Variants in NAV3 observed in about 807,000 individuals in gnomAD.
NAV3 encodes the protein neuron navigator 3.
NAV3 carries 87 observed loss-of-function variants against 244.7 expected under a neutral mutation model. The observed-to-expected ratio is 0.36, with a 90% CI of 0.30 to 0.42. The LOEUF (loss-of-function observed/expected upper bound fraction) is 0.42. Ranked by LOEUF, NAV3 falls within the 20% of genes least tolerant of loss-of-function variation. The probability of loss-of-function intolerance (pLI) is 1.00; values close to 1 mark genes in which losing one functional copy is unlikely to be tolerated. For synonymous variants in NAV3, 1,126 were observed against 1,042.2 expected (o/e 1.08, Z -1.55); for missense variants, 2,663 against 2,893.3 (o/e 0.92, Z 1.83).
intron 12 of NAV3, among the ~76,000 whole-genome samples, chr12:78,095,014 T>C (rs1397422757): frequency 2.0e-5 from 3 of 149,452 alleles, no homozygotes; most frequent in African/African-American, 5.0e-5. Context: ...GCCAGTGCAC[T>C]CCAGCCCGGT....
chr12:77,915,553 C>T (rs539976686), intron 1 of NAV3, among the ~76,000 whole-genome samples: 1 of 151,140 alleles, frequency 6.6e-6, no homozygotes, highest in Non-Finnish European at 1.5e-5. Context: ...TAGCCAGAAT[C>T]AAGTAATTAA....
At chr12:78,059,454 A>G (rs1343149044) in intron 12 of NAV3, among the ~76,000 whole-genome samples, 2 of 151,978 alleles carry the variant, frequency 1.3e-5, no homozygotes, top group Non-Finnish European at 2.9e-5. Flanking sequence ...ATGCCCAGCT[A>G]ATTTTTGTAT....
intron 2 of NAV3, among the ~76,000 whole-genome samples, chr12:77,677,719 A>C (rs1231871660): frequency 6.6e-6 from 1 of 152,220 alleles, no homozygotes; most frequent in Admixed American, 6.5e-5. Flanking sequence ...CGTGCAGTGA[A>C]TGTTGGCAGC....
intron 11 of NAV3, among the ~76,000 whole-genome samples, chr12:78,055,365 A>G (rs139618680): frequency 3.9e-4 from 60 of 152,348 alleles, no homozygotes; most frequent in African/African-American, 1.3e-3. Context: ...TATATGTTAC[A>G]GGCATATTGT....
At chr12:78,095,939 GC>G (rs1480891664) in intron 12 of NAV3, among the ~76,000 whole-genome samples, 1 of 152,184 alleles carries the variant, frequency 6.6e-6, no homozygotes, top group East Asian at 1.9e-4. Context: ...TGCTACATAG[GC>G]TAGTGGCAGA....
In NAV3 at chr12:78,198,914, A is replaced by G. The variant is rs1959293089; in HGVS notation, c.6518+238A>G. ...GTAATCAGATGTGTTTCTTTAAACA[A>G]AAACAAAAAAAAAAAAAAAGGAAAG... On this transcript the variant is annotated intron_variant, in intron 36 of 39. Coordinates refer to ENST00000397909, the MANE Select transcript of NAV3 (RefSeq NM_001024383.2). Among the ~76,000 whole-genome samples, 4 of 59,410 alleles carry G rather than the reference A, an allele frequency of 6.7e-5. No homozygotes were observed. The South Asian group carries it at 6.0e-3, about 88-fold the overall frequency. 39.0% of individuals were successfully genotyped at this position (59,410 alleles called of 152,430 possible).
rs1957883069 is a variant in NAV3, at chr12:78,168,758, T to A, written c.4873T>A (p.Ser1625Thr). The change falls in exon 24 of 40, where the codon TCT becomes ACT. Residue 1625 changes from serine (S) to threonine (T), a missense_variant. Coordinates refer to ENST00000397909, the MANE Select transcript of NAV3 (RefSeq NM_001024383.2). ...SLTMTAEQKE[S>T]ELIELRETIE... ...CCAAACTCTGTTTATTCCACAGGAA[T>A]CTGAACTTATAGAACTAAGAGAAAC... 1 of 1,602,090 alleles carries A rather than the reference T, an allele frequency of 6.2e-7. No homozygotes were observed. The highest frequency in any genetic ancestry group is 1.7e-5 in the Admixed American group (1 of 58,604).
chr12:77,659,626 C>T (rs1442202792), intron 2 of NAV3, among the ~76,000 whole-genome samples: 1 of 152,120 alleles, frequency 6.6e-6, no homozygotes, highest in East Asian at 1.9e-4. Context: ...ACCCAAAGGA[C>T]TATAAATCAT....
intron 2 of NAV3, among the ~76,000 whole-genome samples, chr12:77,782,540 G>T (rs543247468): frequency 2.5e-4 from 38 of 150,920 alleles, no homozygotes; most frequent in Middle Eastern, 6.9e-3. Flanking sequence ...TAGTCATGAT[G>T]CGACTTGTCC....
chr12:78,023,712 GA>G (rs1344099059), intron 9 of NAV3, among the ~76,000 whole-genome samples: 1 of 152,112 alleles, frequency 6.6e-6, no homozygotes, highest in Non-Finnish European at 1.5e-5. Flanking sequence ...TATAATTGAA[GA>G]AATTTAGATG....
chr12:77,684,356 C>T (rs1592579200), intron 2 of NAV3, among the ~76,000 whole-genome samples: 1 of 151,974 alleles, frequency 6.6e-6, no homozygotes, highest in East Asian at 1.9e-4. Context: ...GTTTGTGGGG[C>T]TTGCCTCTTT....
intron 1 of NAV3, among the ~76,000 whole-genome samples, chr12:77,919,699 C>T (rs1221178897): frequency 1.3e-5 from 2 of 152,002 alleles, no homozygotes; most frequent in Non-Finnish European, 2.9e-5. Context: ...TAGCAAACAT[C>T]TGTTTCCTTA....
At chr12:77,722,275 A>G (rs1876672805) in intron 2 of NAV3, among the ~76,000 whole-genome samples, 1 of 152,010 alleles carries the variant, frequency 6.6e-6, no homozygotes, top group African/African-American at 2.4e-5. Flanking sequence ...ACTTTATTTG[A>G]TAGGGATTAT....
intron 2 of NAV3, among the ~76,000 whole-genome samples, chr12:77,750,673 C>G (rs572318155): frequency 5.3e-5 from 8 of 152,038 alleles, no homozygotes; most frequent in Non-Finnish European, 1.2e-4. Context: ...TCTCAGGGCT[C>G]CATTTAAAGT....
At chr12:77,812,510 G>T (rs1236834507) in intron 2 of NAV3, among the ~76,000 whole-genome samples, 2 of 151,690 alleles carry the variant, frequency 1.3e-5, no homozygotes, top group East Asian at 3.9e-4. Context: ...CACCTTCTGG[G>T]TTCAAGCAAT....
intron 12 of NAV3, among the ~76,000 whole-genome samples, chr12:78,110,630 G>C (rs1346953465): frequency 6.6e-6 from 1 of 151,684 alleles, no homozygotes; most frequent in South Asian, 2.1e-4. Flanking sequence ...AAACAGCATG[G>C]TATTTTTAGA....
intron 9 of NAV3, among the ~76,000 whole-genome samples, chr12:78,028,650 G>A (rs1878472975): frequency 6.6e-6 from 1 of 152,124 alleles, no homozygotes; most frequent in African/African-American, 2.4e-5. Flanking sequence ...TTTCTTACCA[G>A]TTTATTATTA....
intron 24 of NAV3, among the ~76,000 whole-genome samples, chr12:78,170,229 T>C (rs936573629): frequency 6.6e-6 from 1 of 151,780 alleles, no homozygotes; most frequent in Non-Finnish European, 1.5e-5. Flanking sequence ...TCAGACCTGC[T>C]GCTCCTTCAG....
chr12:78,125,982 G>A (rs1030080457), intron 16 of NAV3, among the ~76,000 whole-genome samples: 5 of 152,068 alleles, frequency 3.3e-5, no homozygotes, highest in African/African-American at 1.2e-4. Context: ...CCACATAAAT[G>A]CCTTAGCACA....
Sources: allele counts gnomAD v4.1 joint callset (sites outside exome capture counted in the v4.1 genomes callset), GRCh38; gene constraint gnomAD v4.1.1; transcripts MANE v1.5; gene names NCBI Gene and HGNC (gene_info 2026-07-23, HGNC 2026-07-21).